The following TRAPPC9 variants were observed in gnomAD, a reference collection of about 807,000 sequenced individuals.
TRAPPC9 encodes IKK2 binding protein.
A neutral mutation model predicts 124.0 loss-of-function variants in TRAPPC9; 83 were observed. The ratio of observed to expected loss-of-function variants is 0.67; its 90% CI spans 0.56 to 0.80. TRAPPC9 has a LOEUF of 0.80. Ranked by LOEUF, TRAPPC9 falls within the 30% of genes least tolerant of loss-of-function variation. TRAPPC9 has a pLI of 0.00. For synonymous variants in TRAPPC9, 638 were observed against 617.5 expected (o/e 1.03, Z -0.49); for missense variants, 1,302 against 1,508.3 (o/e 0.86, Z 2.27).
chr8:140,203,839 G>A (rs1263303738), intron 17 of TRAPPC9, among the ~76,000 whole-genome samples: 1 of 151,834 alleles, frequency 6.6e-6, no homozygotes, highest in African/African-American at 2.4e-5. Flanking sequence ...CAGGAGTGGT[G>A]GAAGGATCAC....
At position 139,732,077 on chromosome 8, in the gene TRAPPC9, T is replaced by C; in HGVS notation, c.3181A>G (p.Thr1061Ala). 6.2e-7 allele frequency: 1 copy of C among 1,605,910 alleles called. No homozygotes were observed. Residue 1061 changes from threonine to alanine, a missense_variant, in exon 22 of 23, where the codon ACT becomes GCT. Coordinates refer to ENST00000438773, the MANE Select transcript of TRAPPC9 (RefSeq NM_001160372.4). The part of the protein sequence containing the change: ...SPRSVGPFAL[T>A]VVPFQDHQNG... ...TGGTGGTCCTGGAAGGGGACCACAG[T>C]GAGGGCGAAGGGCCCTACGCTGCGC...
intron 21 of TRAPPC9, among the ~76,000 whole-genome samples, chr8:139,765,878 G>A (rs11995564): frequency 0.064 from 9,778 of 152,268 alleles, 1,025 homozygotes; most frequent in African/African-American, 0.22. Context: ...ATCCCCAGCC[G>A]GGGTCTGTGC....
intron 21 of TRAPPC9, among the ~76,000 whole-genome samples, chr8:139,836,662 GTCATTTGGGACAT>G (rs1221936214): frequency 1.3e-5 from 2 of 152,234 alleles, no homozygotes; most frequent in Admixed American, 6.5e-5. Context: ...CTTCCCGAGA[GTCATTTGGGACAT>G]TCTGTGGAAT....
At chr8:139,755,439 C>T (rs543252159) in intron 21 of TRAPPC9, among the ~76,000 whole-genome samples, 6 of 133,948 alleles carry the variant, frequency 4.5e-5, no homozygotes, top group East Asian at 4.5e-4. Context: ...AACAGCATGT[C>T]GCAGGAGGAG....
intron 21 of TRAPPC9, among the ~76,000 whole-genome samples, chr8:139,823,436 G>A (rs935958156): frequency 1.3e-5 from 2 of 152,162 alleles, no homozygotes; most frequent in Non-Finnish European, 2.9e-5. Context: ...CCAGGGTGTG[G>A]GTGGTTGAGG....
intron 20 of TRAPPC9, among the ~76,000 whole-genome samples, chr8:139,902,901 G>C (rs1305664245): frequency 6.6e-6 from 1 of 152,178 alleles, no homozygotes; most frequent in Non-Finnish European, 1.5e-5. Flanking sequence ...CATTCCAGGT[G>C]AGATCACCCA....
At chr8:140,101,092 T>C (rs1376583681) in intron 17 of TRAPPC9, among the ~76,000 whole-genome samples, 2 of 152,268 alleles carry the variant, frequency 1.3e-5, no homozygotes, top group East Asian at 3.8e-4. Context: ...CTTCCTCTTC[T>C]AGCCACAAGC....
intron 19 of TRAPPC9, among the ~76,000 whole-genome samples, chr8:139,918,828 G>A (rs1052988168): frequency 8.5e-5 from 13 of 152,152 alleles, no homozygotes; most frequent in Admixed American, 7.2e-4. Flanking sequence ...CTCTCCAAAC[G>A]GCAGAAGGCA....
At chr8:140,028,504 A>G (rs1229121354) in intron 17 of TRAPPC9, among the ~76,000 whole-genome samples, 1 of 152,246 alleles carries the variant, frequency 6.6e-6, no homozygotes, top group African/African-American at 2.4e-5. Context: ...GCTTTCATCA[A>G]TGAGGCTCAG....
At chr8:139,857,484 T>C (rs991446573) in intron 21 of TRAPPC9, among the ~76,000 whole-genome samples, 1 of 152,122 alleles carries the variant, frequency 6.6e-6, no homozygotes, top group African/African-American at 2.4e-5. Flanking sequence ...AATAAACACA[T>C]GGGGCAACGT....
At chr8:140,091,655 T>C (rs1422730635) in intron 17 of TRAPPC9, among the ~76,000 whole-genome samples, 1 of 152,192 alleles carries the variant, frequency 6.6e-6, no homozygotes, top group African/African-American at 2.4e-5. Flanking sequence ...TGCAGTGATC[T>C]AGATAACAGC....
chr8:140,148,604 C>T (rs894741411), intron 17 of TRAPPC9, among the ~76,000 whole-genome samples: 16 of 152,210 alleles, frequency 1.1e-4, no homozygotes, highest in African/African-American at 1.4e-4. Flanking sequence ...AGTCCCAACA[C>T]ATCTCAGTGA....
chr8:139,967,732 T>C (rs1254340160), intron 19 of TRAPPC9, among the ~76,000 whole-genome samples: 1 of 152,218 alleles, frequency 6.6e-6, no homozygotes, highest in Non-Finnish European at 1.5e-5. Flanking sequence ...GCACTGTATG[T>C]TGTATTACCC....
At chr8:140,112,173 C>T (rs1487180194) in intron 17 of TRAPPC9, among the ~76,000 whole-genome samples, 3 of 151,856 alleles carry the variant, frequency 2.0e-5, no homozygotes, top group Non-Finnish European at 4.4e-5. Flanking sequence ...GATGGTGCGA[C>T]AGGTGCAAGG....
chr8:139,957,297 T>A (rs1192385578), intron 19 of TRAPPC9, among the ~76,000 whole-genome samples: 2 of 152,166 alleles, frequency 1.3e-5, no homozygotes, highest in Non-Finnish European at 2.9e-5. Context: ...GCGACTGAGG[T>A]GGCTGTCCTG....
rs73369819 is a variant in TRAPPC9 at position 139,941,423 on chromosome 8, G to A, written c.2811-31123C>T. ...TTCAGGGTGGGGCCCTCTTACTGTA[G>A]GAAGAGGCTGTGCTCTCAGTTGCAA... On this transcript the variant is annotated intron_variant, in intron 19 of 22. Coordinates refer to ENST00000438773, the MANE Select transcript of TRAPPC9 (RefSeq NM_001160372.4). Among the ~76,000 whole-genome samples, 994 of 152,328 alleles carry A rather than the reference G, an allele frequency of 6.5e-3. 12 individuals are homozygous for A. The highest frequency in any genetic ancestry group is 0.023 in the African/African-American group (940 of 41,580).
intron 21 of TRAPPC9, among the ~76,000 whole-genome samples, chr8:139,812,871 C>G (rs1420572317): frequency 4.6e-5 from 7 of 152,196 alleles, no homozygotes; most frequent in Non-Finnish European, 8.8e-5. Flanking sequence ...ACATAAGCTA[C>G]TTTACATGGG....
chr8:140,018,099 T>C (rs984980432), intron 18 of TRAPPC9, among the ~76,000 whole-genome samples: 1 of 152,128 alleles, frequency 6.6e-6, no homozygotes. Flanking sequence ...TGCCTCGGCC[T>C]CTCGAAGTGC....
At chr8:140,154,401 TC>T (rs2061596370) in intron 17 of TRAPPC9, among the ~76,000 whole-genome samples, 1 of 152,136 alleles carries the variant, frequency 6.6e-6, no homozygotes, top group Admixed American at 6.5e-5. Flanking sequence ...CACACTGGCC[TC>T]CCCATCCAGC....
Sources: gnomAD v4.1 joint callset for allele counts (sites outside exome capture counted in the v4.1 genomes callset) on GRCh38, gnomAD v4.1.1 for gene constraint, MANE v1.5 for transcripts, NCBI Gene and HGNC (gene_info 2026-07-23, HGNC 2026-07-21) for gene names.